SLC16A2: variants seen among roughly 807,000 people sequenced by gnomAD.
SLC16A2 encodes solute carrier family 16 member 2.
Under a neutral mutation model 27.2 loss-of-function variants are expected in SLC16A2, and 3 were observed. That is an observed-to-expected ratio of 0.11 (90% CI 0.05 to 0.28). The LOEUF is 0.28. Ranked by LOEUF, SLC16A2 falls within the 10% of genes least tolerant of loss-of-function variation. The probability of loss-of-function intolerance (pLI) is 1.00; values close to 1 mark genes in which losing one functional copy is unlikely to be tolerated. For synonymous variants in SLC16A2, 202 were observed against 187.8 expected (o/e 1.08, Z -0.62); for missense variants, 295 against 458.5 (o/e 0.64, Z 3.26).
chrX:74,476,532 G>C (rs1224591308), intron 1 of SLC16A2, among the ~76,000 whole-genome samples: 2 of 111,899 alleles, frequency 1.8e-5, no homozygotes, highest in Admixed American at 9.5e-5. Context: ...GCAGTGGTGA[G>C]AGAGGGCATC....
intron 1 of SLC16A2, among the ~76,000 whole-genome samples, chrX:74,502,874 C>T (rs112894592): frequency 0.036 from 3,986 of 110,491 alleles, 91 homozygotes; most frequent in Non-Finnish European, 0.057. Context: ...GCATGGTCCA[C>T]GGGCTGGCAT....
chrX:74,429,321 A>T (rs1350240058), intron 1 of SLC16A2, among the ~76,000 whole-genome samples: 1 of 111,033 alleles, frequency 9.0e-6, no homozygotes, highest in African/African-American at 3.3e-5. Flanking sequence ...AATTTTTAAA[A>T]ACTAGGCTGG....
chrX:74,501,971 A>G (rs1217953249), intron 1 of SLC16A2, among the ~76,000 whole-genome samples: 1 of 111,594 alleles, frequency 9.0e-6, no homozygotes, highest in Non-Finnish European at 1.9e-5. Flanking sequence ...TAATAATAAA[A>G]AAGAATATAT....
chrX:74,440,195 T>A (rs1169945141), intron 1 of SLC16A2, among the ~76,000 whole-genome samples: 1 of 111,399 alleles, frequency 9.0e-6, no homozygotes, highest in Non-Finnish European at 1.9e-5. Context: ...TCATATCATT[T>A]ATTGTCCAAA....
chrX:74,482,939 A>C (rs1929651005), intron 1 of SLC16A2, among the ~76,000 whole-genome samples: 1 of 111,808 alleles, frequency 8.9e-6, no homozygotes, highest in Non-Finnish European at 1.9e-5. Flanking sequence ...TCCTGGACTC[A>C]AGTGATCCTC....
intron 1 of SLC16A2, among the ~76,000 whole-genome samples, chrX:74,496,898 G>A (rs1048901214): frequency 4.5e-5 from 5 of 111,929 alleles, no homozygotes; most frequent in Non-Finnish European, 9.4e-5. Context: ...TCTGCTGGTC[G>A]GGGCTGTTCG....
intron 1 of SLC16A2, among the ~76,000 whole-genome samples, chrX:74,480,449 G>A (rs139188427): frequency 0.032 from 3,543 of 112,295 alleles, 80 homozygotes; most frequent in African/African-American, 0.087. Context: ...GCAAAGCCTC[G>A]CCCGGCTTTG....
At chrX:74,447,216 T>C (rs1928853748) in intron 1 of SLC16A2, among the ~76,000 whole-genome samples, 1 of 112,504 alleles carries the variant, frequency 8.9e-6, no homozygotes, top group Admixed American at 9.4e-5. Flanking sequence ...TATTGACTTA[T>C]TCAAATAAAA....
intron 1 of SLC16A2, among the ~76,000 whole-genome samples, chrX:74,432,655 A>G (rs1928554065): frequency 8.9e-6 from 1 of 111,843 alleles, no homozygotes; most frequent in Non-Finnish European, 1.9e-5. Flanking sequence ...TCTGGTTCCC[A>G]TCTTAAGGTG....
intron 1 of SLC16A2, among the ~76,000 whole-genome samples, chrX:74,486,927 C>A (rs890799492): frequency 1.9e-4 from 21 of 111,480 alleles, no homozygotes; most frequent in Non-Finnish European, 7.5e-5. Flanking sequence ...GAGTTCATGT[C>A]CTTTGTAGGG....
intron 1 of SLC16A2, among the ~76,000 whole-genome samples, chrX:74,428,588 G>GT (rs1928464218): frequency 5.4e-5 from 6 of 110,911 alleles, no homozygotes; most frequent in Non-Finnish European, 1.1e-4. Flanking sequence ...CAGAGTCACA[G>GT]GCCCACTCCT....
chrX:74,487,837 C>A (rs965131456), intron 1 of SLC16A2, among the ~76,000 whole-genome samples: 2 of 111,231 alleles, frequency 1.8e-5, no homozygotes, highest in Admixed American at 9.6e-5. Context: ...TATCTGTATA[C>A]TTTTTCCTTC....
Position 74,531,814 on chromosome X carries a change from A to G in SLC16A2, c.*261A>G, listed in dbSNP as rs1930573705. The G allele has an allele frequency of 2.4e-6, 1 of 418,396 alleles. No homozygotes were observed. 34.5% of individuals were successfully genotyped at this position (418,396 alleles called of 1,213,427 possible). ...TTGGGAACCACCCCTGGCCTTTGGA[A>G]CCTCTCCATATACTTTCTAAGCTCT... On this transcript the variant is annotated 3_prime_UTR_variant, in exon 6 of 6. Coordinates refer to ENST00000587091, the MANE Select transcript of SLC16A2 (RefSeq NM_006517.5).
chrX:74,432,701 G>C (rs1156409697), intron 1 of SLC16A2, among the ~76,000 whole-genome samples: 1 of 111,719 alleles, frequency 9.0e-6, no homozygotes, highest in Non-Finnish European at 1.9e-5. Context: ...ACTTTAATCA[G>C]CATTGTGAGT....
Position 74,533,237 on chromosome X carries a change from C to A in SLC16A2, c.*1684C>A, listed in dbSNP as rs987103479. 1.8e-5 allele frequency: 2 copies of A among 112,035 alleles called. No homozygotes were observed. Among genetic ancestry groups the A allele is most frequent in the Non-Finnish European group, 3.8e-5 (2 of 53,093 alleles). The allele number at this position is 112,035 out of a possible 1,213,427, so 9.2% of individuals were successfully genotyped here. On this transcript the variant is annotated 3_prime_UTR_variant, in exon 6 of 6. Transcript: ENST00000587091. ...ACAATAGTTCCCACTCATGATTTTC[C>A]GTTACAAACAGGCAGCTGGGGCATG... is the stretch of plus-strand genomic sequence containing the variant.
Position 74,532,929 on chromosome X carries a change from C to T in SLC16A2, c.*1376C>T, listed in dbSNP as rs1323109506. 8.9e-6 allele frequency: 1 copy of T among 112,333 alleles called. No homozygotes were observed. The highest frequency in any genetic ancestry group is 1.9e-5 in the Non-Finnish European group (1 of 53,140). 9.3% of individuals were successfully genotyped at this position (112,333 alleles called of 1,213,427 possible). A position where few individuals can be genotyped will look rare whatever the true frequency, so the allele number is the denominator to read the frequency against. On this transcript the variant is annotated 3_prime_UTR_variant, in exon 6 of 6. Transcript: ENST00000587091. ...CTCTGGCAACAGTCTTACTGAAGAA[C>T]ATTCCCAGTGCCCCTGGCTAGGGGC...
At chrX:74,436,204 T>C (rs1025091474) in intron 1 of SLC16A2, among the ~76,000 whole-genome samples, 16 of 111,518 alleles carry the variant, frequency 1.4e-4, no homozygotes, top group Non-Finnish European at 2.8e-4. Flanking sequence ...TGTACGTGTG[T>C]GTGTGTGTGT....
At chrX:74,494,484 A>G (rs959741104) in intron 1 of SLC16A2, among the ~76,000 whole-genome samples, 12 of 111,908 alleles carry the variant, frequency 1.1e-4, no homozygotes, top group African/African-American at 3.9e-4. Context: ...TAATCATTCC[A>G]TAATATCGTC....
Position 74,433,951 on chromosome X carries a change from G to A in SLC16A2, c.430+11884G>A, listed in dbSNP as rs1372251405. On this transcript the variant is annotated intron_variant, in intron 1 of 5. Coordinates refer to ENST00000587091, the MANE Select transcript of SLC16A2 (RefSeq NM_006517.5). ...TACCATCTGTTATTGCTGGTGTGGA[G>A]ATTAAATGAGATGAGGCATGTAAAA... is the stretch of plus-strand genomic sequence containing the variant. Among the ~76,000 whole-genome samples, 3 of 112,162 alleles carry A rather than the reference G, an allele frequency of 2.7e-5. No homozygotes were observed. The Admixed American group carries it at 2.8e-4, about 11-fold the overall frequency.
Sources: allele counts gnomAD v4.1 joint callset (sites outside exome capture counted in the v4.1 genomes callset), GRCh38; gene constraint gnomAD v4.1.1; transcripts MANE v1.5; gene names NCBI Gene and HGNC (gene_info 2026-07-23, HGNC 2026-07-21).